The following ERC2 variants were observed in gnomAD, a reference collection of about 807,000 sequenced individuals.
ERC2 encodes ELKS/RAB6-interacting/CAST family member 2.
ERC2 carries 42 observed loss-of-function variants against 114.8 expected under a neutral mutation model. The observed-to-expected ratio is 0.37, with a 90% CI of 0.29 to 0.47. ERC2 has a LOEUF of 0.47. ERC2 is among the 20% of genes least tolerant of loss of function. The pLI, the probability that ERC2 is intolerant of heterozygous loss-of-function variation, is 0.99. For synonymous variants in ERC2, 454 were observed against 425.5 expected (o/e 1.07, Z -0.82); for missense variants, 939 against 1,150.7 (o/e 0.82, Z 2.66).
chr3:56,311,245 CTCTCTCTCTCTATATA>C (rs1352265170), intron 2 of ERC2, among the ~76,000 whole-genome samples: 1 of 26,102 alleles, frequency 3.8e-5, no homozygotes, highest in Non-Finnish European at 9.5e-5. Flanking sequence ...CTCTCTCTCT[CTCTCTCTCTCTATATA>C]TATATATATA....
At chr3:55,598,817 C>T (rs189173303) in intron 17 of ERC2, among the ~76,000 whole-genome samples, 7 of 152,350 alleles carry the variant, frequency 4.6e-5, no homozygotes, top group Admixed American at 2.0e-4. Context: ...CATTGATTAA[C>T]AAAGGGGCAG....
chr3:55,950,432 T>C lies in ERC2; in HGVS notation c.2396A>G (p.His799Arg). ...REDSMADNSQ[H>R]LQIEELMNAL... ...AGAGAAGCCTGTGCTTACCTGCAAA[T>C]GCTGTGAGTTGTCAGCCATGCTGTC... Residue 799 changes from histidine to arginine, a missense_variant, in exon 13 of 18, where the codon CAT becomes CGT. Physicochemically the swap from His to Arg is conservative, Grantham distance 29 (BLOSUM62 0). This residue lies in a region of ERC2 where 328 missense variants were observed against 353.9 expected (regional missense o/e 0.93). Coordinates refer to ENST00000288221, the MANE Select transcript of ERC2 (RefSeq NM_015576.3). The C allele has an allele frequency of 1.2e-6, 2 of 1,614,038 alleles. No homozygotes were observed. The highest frequency in any genetic ancestry group is 1.7e-6 in the Non-Finnish European group (2 of 1,179,882).
At chr3:56,371,264 A>C (rs2059352754) in intron 2 of ERC2, among the ~76,000 whole-genome samples, 1 of 152,206 alleles carries the variant, frequency 6.6e-6, no homozygotes, top group Non-Finnish European at 1.5e-5. Context: ...TTAGTCAATG[A>C]CTGCCAGTTT....
At chr3:56,341,582 T>C (rs1342972816) in intron 2 of ERC2, among the ~76,000 whole-genome samples, 2 of 149,500 alleles carry the variant, frequency 1.3e-5, no homozygotes, top group Non-Finnish European at 3.0e-5. Context: ...GCCAATCTTT[T>C]AGGGGCAAAA....
intron 2 of ERC2, among the ~76,000 whole-genome samples, chr3:56,315,256 AT>A (rs376470802): frequency 1.3e-5 from 2 of 152,016 alleles, no homozygotes; most frequent in African/African-American, 4.8e-5. Context: ...GTTTAGAGAA[AT>A]TTTTTTTCCT....
intron 2 of ERC2, among the ~76,000 whole-genome samples, chr3:56,299,135 G>GT (rs2055682398): frequency 1.5e-5 from 1 of 66,452 alleles, no homozygotes; most frequent in Non-Finnish European, 3.2e-5. Context: ...TTTTTTGTTT[G>GT]TTTGTTTTTT....
At chr3:55,639,418 G>C (rs189966352) in intron 17 of ERC2, among the ~76,000 whole-genome samples, 9 of 152,254 alleles carry the variant, frequency 5.9e-5, no homozygotes, top group Non-Finnish European at 1.3e-4. Flanking sequence ...GGAGACTGGG[G>C]ACCAGGACAT....
At chr3:56,209,103 C>A (rs1354863937) in intron 3 of ERC2, among the ~76,000 whole-genome samples, 1 of 152,176 alleles carries the variant, frequency 6.6e-6, no homozygotes, top group African/African-American at 2.4e-5. Flanking sequence ...CTCAAGGCAG[C>A]ACTTGAGGCC....
At chr3:55,716,368 C>T (rs1001005028) in intron 15 of ERC2, among the ~76,000 whole-genome samples, 2 of 152,190 alleles carry the variant, frequency 1.3e-5, no homozygotes, top group African/African-American at 4.8e-5. Flanking sequence ...GTACTTCAGC[C>T]TCCATAACAG....
intron 5 of ERC2, among the ~76,000 whole-genome samples, chr3:56,146,818 T>C (rs1483208681): frequency 6.6e-6 from 1 of 152,200 alleles, no homozygotes; most frequent in Non-Finnish European, 1.5e-5. Context: ...GCCTGCACTC[T>C]TTCCACCTCA....
At chr3:55,647,982 C>T (rs1161540190) in intron 17 of ERC2, among the ~76,000 whole-genome samples, 2 of 152,078 alleles carry the variant, frequency 1.3e-5, no homozygotes, top group Non-Finnish European at 2.9e-5. Flanking sequence ...CTGCATGCCC[C>T]GCAATAGGGT....
At chr3:55,630,050 G>A (rs567507893) in intron 17 of ERC2, among the ~76,000 whole-genome samples, 3 of 152,338 alleles carry the variant, frequency 2.0e-5, no homozygotes, top group East Asian at 1.9e-4. Flanking sequence ...AAGAGAAGAC[G>A]GGAGCCAGAC....
chr3:55,886,502 T>C (rs530660975), intron 14 of ERC2, among the ~76,000 whole-genome samples: 2 of 152,326 alleles, frequency 1.3e-5, no homozygotes, highest in South Asian at 4.1e-4. Flanking sequence ...AATAAACCAT[T>C]TTATGAACTT....
intron 6 of ERC2, among the ~76,000 whole-genome samples, chr3:56,136,044 A>T (rs772481426): frequency 6.6e-6 from 1 of 152,128 alleles, no homozygotes; most frequent in Non-Finnish European, 1.5e-5. Context: ...TATTCTATTG[A>T]TTTATTGCAC....
intron 15 of ERC2, among the ~76,000 whole-genome samples, chr3:55,699,827 G>C (rs1450344131): frequency 6.6e-6 from 1 of 152,142 alleles, no homozygotes; most frequent in African/African-American, 2.4e-5. Context: ...AGAGATCCAA[G>C]GTGAGCTTGC....
Position 55,831,127 on chromosome 3 carries a change from C to T in ERC2, c.2564+57262G>A, listed in dbSNP as rs557230918. On this transcript the variant is annotated intron_variant, in intron 14 of 17. Coordinates refer to ENST00000288221, the MANE Select transcript of ERC2 (RefSeq NM_015576.3). ...TTCAAGACCAGCCTAGGCAACATGACAAGACCCCTCTCTACAAAAAAAAAA... is the reference window on the plus strand; with the variant it reads ...TTCAAGACCAGCCTAGGCAACATGATAAGACCCCTCTCTACAAAAAAAAAA... Among the ~76,000 whole-genome samples, 196 of 141,208 alleles carry T rather than the reference C, an allele frequency of 1.4e-3. 1 individual carries two copies. The highest frequency in any genetic ancestry group is 2.8e-3 in the Admixed American group (40 of 14,308). 92.6% of individuals were successfully genotyped at this position (141,208 alleles called of 152,430 possible).
chr3:55,827,636 T>G (rs1030743211), intron 14 of ERC2, among the ~76,000 whole-genome samples: 10 of 152,226 alleles, frequency 6.6e-5, no homozygotes, highest in Non-Finnish European at 1.0e-4. Context: ...GGGCACAATG[T>G]AAATCAAGTT....
At position 56,260,896 on chromosome 3, in the gene ERC2, A is replaced by T. The variant is rs556862467; in HGVS notation, c.1074+35123T>A. Among the ~76,000 whole-genome samples, 3 of 152,270 alleles carry T rather than the reference A, an allele frequency of 2.0e-5. No individual in the cohort carries two copies. In the East Asian group the frequency reaches 5.8e-4, roughly 29 times the overall value. On this transcript the variant is annotated intron_variant, in intron 3 of 17. Coordinates refer to ENST00000288221, the MANE Select transcript of ERC2 (RefSeq NM_015576.3). ...TGGCATGGTCTACCATATCTCACAAAATCTTTCTCTAATGCTCCTCTGTGT... is the reference window on the plus strand; with the variant it reads ...TGGCATGGTCTACCATATCTCACAATATCTTTCTCTAATGCTCCTCTGTGT...
intron 3 of ERC2, among the ~76,000 whole-genome samples, chr3:56,221,261 G>A (rs1303485134): frequency 6.6e-6 from 1 of 151,806 alleles, no homozygotes; most frequent in African/African-American, 2.4e-5. Flanking sequence ...CTAAGCATTA[G>A]CAAGTGTCAA....
Sources: allele counts gnomAD v4.1 joint callset (sites outside exome capture counted in the v4.1 genomes callset), GRCh38; gene constraint gnomAD v4.1.1; regional missense constraint gnomAD v4.1.1; transcripts MANE v1.5; gene names NCBI Gene and HGNC (gene_info 2026-07-23, HGNC 2026-07-21).